The following SCNN1B variants were observed in gnomAD, a reference collection of about 807,000 sequenced individuals.
SCNN1B encodes epithelial sodium channel subunit beta.
In SCNN1B, 46 loss-of-function variants were observed where a neutral mutation model predicts 65.3. The observed-to-expected ratio is 0.70, with a 90% CI of 0.56 to 0.90. The LOEUF is 0.90. SCNN1B is among the 40% of genes least tolerant of loss of function. The pLI, the probability that SCNN1B is intolerant of heterozygous loss-of-function variation, is 0.00. For synonymous variants in SCNN1B, 349 were observed against 330.6 expected (o/e 1.06, Z -0.60); for missense variants, 751 against 830.5 (o/e 0.90, Z 1.18).
At position 23,374,748 on chromosome 16, in the gene SCNN1B, C is replaced by T. The variant is rs527689182; in HGVS notation, c.1153-990C>T. Among the ~76,000 whole-genome samples the T allele has an allele frequency of 1.3e-4, 20 of 151,834 alleles. 1 individual carries two copies. The South Asian group carries it at 3.1e-3, about 24-fold the overall frequency. ...GGACATAGGGACCTGAGACGGAGCC[C>T]GGGCTGCAGGAGGAACAGAAGAGGA... On this transcript the variant is annotated intron_variant, in intron 7 of 12. Transcript: ENST00000343070.
chr16:23,364,245 A>G (rs569673617), intron 4 of SCNN1B, among the ~76,000 whole-genome samples: 4 of 152,340 alleles, frequency 2.6e-5, no homozygotes, highest in African/African-American at 9.6e-5. Context: ...TATTACTATT[A>G]GTAATAAAGT....
upstream of SCNN1B, among the ~76,000 whole-genome samples, chr16:23,299,369 A>AT: frequency 6.6e-6 from 1 of 152,126 alleles, no homozygotes; most frequent in Admixed American, 6.5e-5. Flanking sequence ...CGAAATTGCT[A>AT]TTTTCATAGG....
chr16:23,326,340 A>T (rs1053825993), intron 1 of SCNN1B, among the ~76,000 whole-genome samples: 12 of 152,192 alleles, frequency 7.9e-5, no homozygotes, highest in African/African-American at 2.7e-4. Context: ...CAATTTCTTA[A>T]AAATAACTCA....
intron 1 of SCNN1B, among the ~76,000 whole-genome samples, chr16:23,334,980 G>T (rs1401897170): frequency 1.3e-5 from 2 of 152,004 alleles, no homozygotes; most frequent in East Asian, 3.9e-4. Context: ...CAAATTTTTT[G>T]GCTCTAACTC....
At chr16:23,365,349 A>G (rs1447694694) in intron 4 of SCNN1B, among the ~76,000 whole-genome samples, 1 of 150,062 alleles carries the variant, frequency 6.7e-6, no homozygotes, top group Admixed American at 6.7e-5. Flanking sequence ...AGGGAGGAAA[A>G]GAAAAGAGAG....
intron 5 of SCNN1B, among the ~76,000 whole-genome samples, chr16:23,369,038 T>G (rs1322610920): frequency 6.6e-6 from 1 of 152,186 alleles, no homozygotes; most frequent in Admixed American, 6.5e-5. Flanking sequence ...CCCCTTACAT[T>G]TATACAAATT....
intron 8 of SCNN1B, among the ~76,000 whole-genome samples, chr16:23,376,749 A>G (rs1329320224): frequency 6.6e-6 from 1 of 151,826 alleles, no homozygotes; most frequent in Non-Finnish European, 1.5e-5. Context: ...GTCTATAAAA[A>G]AAAAAAAAAA....
In SCNN1B at chr16:23,368,111, A is replaced by T; in HGVS notation, c.880+152A>T. The stretch of plus-strand genomic sequence containing the variant: ...TGCTACCGAGGCTCTACTGTGTGCC[A>T]GGGGAGGCCAGGCCAGGCGCTTCCT... On this transcript the variant is annotated intron_variant, in intron 5 of 12. Transcript: ENST00000343070. 4.1e-6 allele frequency: 3 copies of T among 735,542 alleles called. No homozygotes were observed. The Admixed American group carries it at 5.9e-5, about 14-fold the overall frequency. 45.6% of individuals were successfully genotyped at this position (735,542 alleles called of 1,614,324 possible).
chr16:23,301,359 C>CAAA (rs369302758), upstream of SCNN1B, among the ~76,000 whole-genome samples: 12 of 120,402 alleles, frequency 1.0e-4, no homozygotes, highest in African/African-American at 1.8e-4. Context: ...GAGACTCTGT[C>CAAA]AAAAAAAAAA....
chr16:23,357,410 T>C (rs1457453276), intron 4 of SCNN1B, among the ~76,000 whole-genome samples: 1 of 152,144 alleles, frequency 6.6e-6, no homozygotes, highest in Non-Finnish European at 1.5e-5. Flanking sequence ...TGGCGAAACC[T>C]TGTCTCTACT....
intron 2 of SCNN1B, among the ~76,000 whole-genome samples, chr16:23,283,988 C>T (rs577820674): frequency 3.5e-4 from 54 of 152,288 alleles, no homozygotes; most frequent in African/African-American, 1.3e-3. Flanking sequence ...AACGAAGGAC[C>T]GCCCTGGCTC....
chr16:23,320,970 G>T (rs1015610526), intron 1 of SCNN1B, among the ~76,000 whole-genome samples: 1 of 152,236 alleles, frequency 6.6e-6, no homozygotes, highest in Admixed American at 6.5e-5. Flanking sequence ...CTTGAGAGTG[G>T]TGGTGGCCGG....
In SCNN1B at chr16:23,341,462, T is replaced by C. The variant is rs181350964; in HGVS notation, c.-8-7130T>C. Among the ~76,000 whole-genome samples the C allele has an allele frequency of 1.0e-3, 152 of 152,178 alleles. 4 individuals carry two copies. The highest frequency in any genetic ancestry group is 3.4e-3 in the African/African-American group (140 of 41,520). ...AAAAGAAATATAGAGAAATTTGGCA[T>C]CATCAAACTTAAAAACTTTTGTTCT... On this transcript the variant is annotated intron_variant, in intron 1 of 12. Transcript: ENST00000343070.
At chr16:23,309,674 G>T (rs115670687) in intron 1 of SCNN1B, among the ~76,000 whole-genome samples, 1,590 of 152,316 alleles carry the variant, frequency 0.01, 36 homozygotes, top group African/African-American at 0.036. Context: ...TATACTAGCT[G>T]CATTGGCAGC....
chr16:23,296,874 C>T (rs1733116748), intron 2 of SCNN1B, among the ~76,000 whole-genome samples: 1 of 151,582 alleles, frequency 6.6e-6, no homozygotes, highest in Admixed American at 6.6e-5. Flanking sequence ...GTGAGGCGCA[C>T]AACTCAGGAG....
chr16:23,307,566 C>A (rs1395544972), intron 1 of SCNN1B, among the ~76,000 whole-genome samples: 2 of 152,102 alleles, frequency 1.3e-5, no homozygotes, highest in African/African-American at 4.8e-5. Flanking sequence ...GTGATCTGCC[C>A]ACCTCGGACT....
intron 4 of SCNN1B, among the ~76,000 whole-genome samples, chr16:23,365,782 G>A (rs1386977212): frequency 6.6e-6 from 1 of 152,180 alleles, no homozygotes; most frequent in Non-Finnish European, 1.5e-5. Context: ...GAAAAATGTG[G>A]TTTCTTCCTG....
intron 2 of SCNN1B, among the ~76,000 whole-genome samples, chr16:23,289,779 G>A (rs535580537): frequency 3.9e-4 from 58 of 150,356 alleles, no homozygotes; most frequent in Admixed American, 6.7e-4. Flanking sequence ...GGATTCAAGC[G>A]ATTCTCCTGC....
chr16:23,317,013 A>G (rs1269511543), intron 1 of SCNN1B, among the ~76,000 whole-genome samples: 2 of 152,218 alleles, frequency 1.3e-5, no homozygotes, highest in Admixed American at 6.5e-5. Flanking sequence ...CAGCCCACAG[A>G]TGGGGTAACA....
Sources: allele counts gnomAD v4.1 joint callset (sites outside exome capture counted in the v4.1 genomes callset), GRCh38; gene constraint gnomAD v4.1.1; transcripts MANE v1.5; gene names NCBI Gene and HGNC (gene_info 2026-07-23, HGNC 2026-07-21).